PCDH15: variants seen among roughly 807,000 people sequenced by gnomAD.
PCDH15 encodes protocadherin related 15, also known as protocadherin-15.
In PCDH15, 129 loss-of-function variants were observed where a neutral mutation model predicts 178.5. That is an observed-to-expected ratio of 0.72 (90% CI 0.63 to 0.84). PCDH15 has a LOEUF of 0.84. Ranked by LOEUF, PCDH15 falls within the 40% of genes least tolerant of loss-of-function variation. The probability of loss-of-function intolerance (pLI) is 0.00; values close to 1 mark genes in which losing one functional copy is unlikely to be tolerated. For missense variants in PCDH15, 2,230 were observed against 2,099.9 expected (o/e 1.06, Z -1.21); for synonymous variants, 800 against 732.0 (o/e 1.09, Z -1.50).
intron 2 of PCDH15, among the ~76,000 whole-genome samples, chr10:55,556,106 A>AGAT (rs1842086653): frequency 6.6e-6 from 1 of 152,048 alleles, no homozygotes; most frequent in Admixed American, 6.6e-5. Flanking sequence ...CTATAGCTCT[A>AGAT]GATTATTAAT....
At chr10:54,591,064 T>G (rs1006767613) in intron 2 of PCDH15, among the ~76,000 whole-genome samples, 1 of 152,136 alleles carries the variant, frequency 6.6e-6, no homozygotes, top group Admixed American at 6.6e-5. Context: ...TGGATTTGTC[T>G]CTATTTCATC....
intron 3 of PCDH15, among the ~76,000 whole-genome samples, chr10:54,476,010 T>TATATGCATAGATATC (rs1054710435): frequency 2.7e-5 from 4 of 147,866 alleles, no homozygotes; most frequent in Admixed American, 2.7e-4. Flanking sequence ...TATGCATATA[T>TATATGCATAGATATC]ATATGCATAG....
intron 11 of PCDH15, among the ~76,000 whole-genome samples, chr10:54,192,789 CTGAT>C (rs1425114582): frequency 1.3e-5 from 2 of 152,058 alleles, no homozygotes; most frequent in Non-Finnish European, 2.9e-5. Flanking sequence ...ATCAGTTTTG[CTGAT>C]TAATTACTTG....
intron 2 of PCDH15, among the ~76,000 whole-genome samples, chr10:54,544,673 A>G (rs903696110): frequency 8.5e-5 from 13 of 152,202 alleles, no homozygotes; most frequent in African/African-American, 2.9e-4. Context: ...TTTCCAAGCT[A>G]TATGATTTCT....
chr10:55,622,103 T>C (rs1357006888), intron 2 of PCDH15, among the ~76,000 whole-genome samples: 4 of 69,154 alleles, frequency 5.8e-5, no homozygotes, highest in African/African-American at 1.1e-4. Flanking sequence ...AATGTATATA[T>C]ATTATATATA....
At chr10:54,684,462 C>G (rs186197244) in intron 1 of PCDH15, among the ~76,000 whole-genome samples, 23 of 152,004 alleles carry the variant, frequency 1.5e-4, no homozygotes, top group Admixed American at 1.4e-3. Flanking sequence ...AATGTTAAAG[C>G]ATATGTGGCA....
intron 3 of PCDH15, among the ~76,000 whole-genome samples, chr10:54,828,249 T>A (rs1953163112): frequency 6.6e-6 from 1 of 151,964 alleles, no homozygotes. Context: ...AGTCCTGAGA[T>A]AACATTCTAG....
At chr10:54,761,142 T>G (rs1379314111) in intron 1 of PCDH15, among the ~76,000 whole-genome samples, 2 of 152,046 alleles carry the variant, frequency 1.3e-5, no homozygotes, top group Non-Finnish European at 2.9e-5. Flanking sequence ...TTAATAATGT[T>G]GGTAAATATG....
intron 2 of PCDH15, among the ~76,000 whole-genome samples, chr10:55,437,661 A>G (rs1053935854): frequency 2.0e-5 from 3 of 152,106 alleles, no homozygotes; most frequent in Admixed American, 1.3e-4. Flanking sequence ...ATCAAACTAA[A>G]TATGCCATCT....
rs1032642304 is a variant in PCDH15, at chr10:53,814,836, C to T, written c.4491+1403G>A. Among the ~76,000 whole-genome samples, 11 of 152,004 alleles carry T rather than the reference C, an allele frequency of 7.2e-5. No individual in the cohort carries two copies. The East Asian group carries it at 1.6e-3, about 21-fold the overall frequency. ...AAAATTAGCTGGGCATGGTGGCACA[C>T]GCCTGTAATCCCAGCTACTCGGGAG... On this transcript the variant is annotated intron_variant, in intron 35 of 37. Coordinates refer to ENST00000644397, the MANE Select transcript of PCDH15 (RefSeq NM_001384140.1).
intron 7 of PCDH15, among the ~76,000 whole-genome samples, chr10:54,320,064 AACTC>A (rs1157852683): frequency 6.6e-6 from 1 of 152,050 alleles, no homozygotes; most frequent in Non-Finnish European, 1.5e-5. Context: ...AAAGTTTCGG[AACTC>A]ACTCAGATCC....
chr10:54,753,205 C>T (rs1227634090), intron 1 of PCDH15, among the ~76,000 whole-genome samples: 2 of 150,786 alleles, frequency 1.3e-5, no homozygotes, highest in African/African-American at 2.4e-5. Context: ...TTTTTATTTT[C>T]GAGACAGGGT....
intron 1 of PCDH15, among the ~76,000 whole-genome samples, chr10:54,759,207 G>A (rs1371493711): frequency 6.6e-6 from 1 of 152,068 alleles, no homozygotes; most frequent in African/African-American, 2.4e-5. Flanking sequence ...AATGTGACAT[G>A]ATATTTAAAG....
At chr10:54,977,763 T>A (rs1233266196) in intron 2 of PCDH15, among the ~76,000 whole-genome samples, 1 of 152,166 alleles carries the variant, frequency 6.6e-6, no homozygotes, top group African/African-American at 2.4e-5. Context: ...AACCCTCTCT[T>A]GGGGTCTGGA....
chr10:54,788,146 T>C (rs1951066574), intron 1 of PCDH15, among the ~76,000 whole-genome samples: 1 of 151,640 alleles, frequency 6.6e-6, no homozygotes, highest in South Asian at 2.1e-4. Context: ...GGGGATAGAA[T>C]TAACAGGAAA....
chr10:54,245,424 A>G (rs11004168), intron 8 of PCDH15, among the ~76,000 whole-genome samples: 7,116 of 152,232 alleles, frequency 0.047, 403 homozygotes, highest in African/African-American at 0.14. Flanking sequence ...TTATCAATAA[A>G]TAGAGAAAAA....
intron 21 of PCDH15, among the ~76,000 whole-genome samples, chr10:53,990,680 C>A (rs539842115): frequency 6.6e-6 from 1 of 152,080 alleles, no homozygotes; most frequent in South Asian, 2.1e-4. Flanking sequence ...GCTCTCAGCG[C>A]CTCCTCGGAC....
chr10:54,534,518 C>A (rs1173409361), intron 2 of PCDH15, among the ~76,000 whole-genome samples: 1 of 152,150 alleles, frequency 6.6e-6, no homozygotes, highest in African/African-American at 2.4e-5. Context: ...TGAGATTCCA[C>A]AGAAAGATCA....
At chr10:54,994,370 C>G (rs541109693) in intron 2 of PCDH15, among the ~76,000 whole-genome samples, 1 of 152,078 alleles carries the variant, frequency 6.6e-6, no homozygotes, top group Admixed American at 6.6e-5. Flanking sequence ...AAATAGCAGC[C>G]TAGTATCTGC....
Sources: gnomAD v4.1 joint callset for allele counts (sites outside exome capture counted in the v4.1 genomes callset) on GRCh38, gnomAD v4.1.1 for gene constraint, MANE v1.5 for transcripts, NCBI Gene and HGNC (gene_info 2026-07-23, HGNC 2026-07-21) for gene names.